The following ERAP2 variants were observed in gnomAD, a reference collection of about 807,000 sequenced individuals.
The protein encoded by ERAP2 is endoplasmic reticulum aminopeptidase 2, also known as leukocyte-derived arginine aminopeptidase.
ERAP2 carries 118 observed loss-of-function variants against 111.1 expected under a neutral mutation model. The observed-to-expected ratio is 1.06, with a 90% CI of 0.92 to 1.24. ERAP2 has a LOEUF of 1.24. ERAP2 is among the 50% of genes most tolerant of loss of function. The pLI is 0.00. For missense variants in ERAP2, 1,131 were observed against 1,125.8 expected (o/e 1.00, Z -0.07); for synonymous variants, 410 against 401.2 (o/e 1.02, Z -0.26).
intron 10 of ERAP2, among the ~76,000 whole-genome samples, 164 bp from the exon 11 acceptor site, chr5:96,901,342 C>T (rs1000617864): frequency 6.6e-6 from 1 of 152,166 alleles, no homozygotes; most frequent in African/African-American, 2.4e-5. Context: ...CCTGGGATAG[C>T]CATCCCTAAT....
chr5:96,912,504 A>C (rs1386612559), intron 15 of ERAP2, 133 bp from the exon 16 acceptor site: 4 of 543,760 alleles, frequency 7.4e-6, no homozygotes, highest in Admixed American at 7.7e-5. Flanking sequence ...AGAGTTCGGC[A>C]GAGAAAAAGA....
chr5:96,884,379 C>T (rs546900367), intron 3 of ERAP2, among the ~76,000 whole-genome samples: 12 of 152,310 alleles, frequency 7.9e-5, no homozygotes, highest in East Asian at 5.8e-4. Context: ...CCAGCCACTG[C>T]TGACGGTCCA....
chr5:96,894,523 C>A (rs1479136315), intron 6 of ERAP2, among the ~76,000 whole-genome samples: 1 of 151,860 alleles, frequency 6.6e-6, no homozygotes, highest in African/African-American at 2.4e-5. Flanking sequence ...CAGTATTAGG[C>A]ATATAGACTA....
At chr5:96,891,543 C>T (rs1293555098) in intron 5 of ERAP2, among the ~76,000 whole-genome samples, 2,723 of 139,000 alleles carry the variant, frequency 0.02, 63 homozygotes, top group African/African-American at 0.045. Flanking sequence ...TATACACACA[C>T]ACACACACAC....
In ERAP2 at chr5:96,915,766, A is replaced by G; in HGVS notation, c.2736A>G (p.Gln912=). Residue 912 remains glutamine, a synonymous_variant, in exon 18 of 19, where the codon CAA becomes CAG. Coordinates refer to ENST00000437043, the MANE Select transcript of ERAP2 (RefSeq NM_022350.5). ...TAHFSSKDKL[Q]EVKLFFESLE... is the part of the protein sequence containing the mutation. Reference sequence around the variant, plus strand: ...ACTTTTCTTCCAAGGATAAGTTGCAAGAGGTTTGTGACTTTCTGTTTTTAA... The same window carrying G: ...ACTTTTCTTCCAAGGATAAGTTGCAGGAGGTTTGTGACTTTCTGTTTTTAA... 2 of 1,599,562 alleles carry G rather than the reference A, an allele frequency of 1.3e-6. No homozygotes were observed. The highest frequency in any genetic ancestry group is 1.7e-6 in the Non-Finnish European group (2 of 1,172,822).
At position 96,903,514 on chromosome 5, in the gene ERAP2, CCTAAGGACAGA is replaced by C. The variant is rs750413731; in HGVS notation, c.1967_1977del (p.Pro656ArgfsTer6). 6.2e-7 allele frequency: 1 copy of C among 1,613,716 alleles called. No individual in the cohort carries two copies. Among genetic ancestry groups the C allele is most frequent in the Non-Finnish European group, 8.5e-7 (1 of 1,179,850 alleles). On this transcript the variant is annotated frameshift_variant, in exon 13 of 19. Coordinates refer to ENST00000437043, the MANE Select transcript of ERAP2 (RefSeq NM_022350.5). LOFTEE classifies it high-confidence loss of function. Reference sequence around the variant, plus strand: ...GAATCAGAACCACACACTTCTCAGACCTAAGGACAGAGTAGGTCTGATTCATGATGTGTTTC... The same window carrying C: ...GAATCAGAACCACACACTTCTCAGACGTAGGTCTGATTCATGATGTGTTTC...
intron 2 of ERAP2, among the ~76,000 whole-genome samples, chr5:96,883,134 A>T (rs1783331127): frequency 6.6e-6 from 1 of 152,166 alleles, no homozygotes; most frequent in East Asian, 1.9e-4. Context: ...ATGGTACAAG[A>T]ATATGAAAGT....
At chr5:96,887,657 T>C (rs772056090) in intron 4 of ERAP2, among the ~76,000 whole-genome samples, 6 of 152,262 alleles carry the variant, frequency 3.9e-5, no homozygotes, top group Non-Finnish European at 8.8e-5. Context: ...TTTATAATTT[T>C]TAGAGTCTTC....
intron 9 of ERAP2, among the ~76,000 whole-genome samples, chr5:96,899,657 C>G (rs1785244395): frequency 2.0e-5 from 3 of 152,204 alleles, no homozygotes; most frequent in African/African-American, 7.2e-5. Flanking sequence ...GTGATAGCCA[C>G]TGTAGGAATA....
intron 9 of ERAP2, among the ~76,000 whole-genome samples, chr5:96,897,656 T>C (rs924761047): frequency 2.6e-5 from 4 of 152,150 alleles, no homozygotes; most frequent in African/African-American, 4.8e-5. Flanking sequence ...ATGTAGATAA[T>C]AGGAAAGGCA....
At chr5:96,903,926 A>G (rs1179151484) in intron 13 of ERAP2, among the ~76,000 whole-genome samples, 1 of 152,208 alleles carries the variant, frequency 6.6e-6, no homozygotes, top group Non-Finnish European at 1.5e-5. Context: ...CAAGCACCAA[A>G]GTCCCAAATG....
At position 96,912,652 on chromosome 5, in the gene ERAP2, T is replaced by C. The variant is rs1420312150; in HGVS notation, c.2370T>C (p.Val790=). The C allele has an allele frequency of 6.2e-7, 1 of 1,609,630 alleles. No individual in the cohort carries two copies. The highest frequency in any genetic ancestry group is 1.1e-5 in the South Asian group (1 of 89,950). Residue 790 remains valine (V), a synonymous_variant, in exon 16 of 19, where the codon GTT becomes GTC. Coordinates refer to ENST00000437043, the MANE Select transcript of ERAP2 (RefSeq NM_022350.5). ...GATATTACAGTATACCAACAGATGTTTTAAAGATTGTGTATTCTGTGGGTG... is the reference window on the plus strand; with the variant it reads ...GATATTACAGTATACCAACAGATGTCTTAAAGATTGTGTATTCTGTGGGTG... ...SSGKLNIPTD[V]LKIVYSVGAQ...
intron 5 of ERAP2, 190 bp downstream of exon 5, chr5:96,889,495 T>G: frequency 2.8e-6 from 2 of 716,966 alleles, no homozygotes; most frequent in South Asian, 3.2e-5. Context: ...GCCCCAACAG[T>G]GTGGATCATT....
chr5:96,904,656 C>G (rs745791615), intron 13 of ERAP2, among the ~76,000 whole-genome samples: 1 of 152,128 alleles, frequency 6.6e-6, no homozygotes, highest in Non-Finnish European at 1.5e-5. Context: ...TTTGCCTGCT[C>G]AAAGGAGAAG....
intron 9 of ERAP2, among the ~76,000 whole-genome samples, chr5:96,899,849 A>T (rs1785262036): frequency 6.6e-6 from 1 of 152,214 alleles, no homozygotes; most frequent in Non-Finnish European, 1.5e-5. Flanking sequence ...AATTCAACAA[A>T]TTGATTCTTC....
At chr5:96,887,602 T>G (rs564543060) in intron 4 of ERAP2, among the ~76,000 whole-genome samples, 2 of 152,266 alleles carry the variant, frequency 1.3e-5, no homozygotes, top group African/African-American at 4.8e-5. Flanking sequence ...GCCCGACAGT[T>G]TCCAACTGTT....
intron 7 of ERAP2, 119 bp from the exon 8 acceptor site, chr5:96,896,254 C>T: frequency 1.3e-6 from 1 of 770,772 alleles, no homozygotes; most frequent in Non-Finnish European, 2.0e-6. Context: ...AGAAACATCT[C>T]CCAAGAAATA....
chr5:96,909,138 A>C, intron 14 of ERAP2, 21 bp downstream of exon 14: 1 of 1,610,048 alleles, frequency 6.2e-7, no homozygotes, highest in Non-Finnish European at 8.5e-7. Context: ...CTTTTAGAAA[A>C]TGTATTAAGT....
chr5:96,881,393 G>T (rs1173226621), intron 2 of ERAP2: 2 of 455,666 alleles, frequency 4.4e-6, no homozygotes, highest in Non-Finnish European at 8.8e-6. Context: ...CTGACATATT[G>T]GTCATGTGAG....
Sources: gnomAD v4.1 joint callset for allele counts (sites outside exome capture counted in the v4.1 genomes callset) on GRCh38, gnomAD v4.1.1 for gene constraint, MANE v1.5 for transcripts, NCBI Gene and HGNC (gene_info 2026-07-23, HGNC 2026-07-21) for gene names.